The following TMEM267 variants were observed in gnomAD, a reference collection of about 807,000 sequenced individuals.
TMEM267 encodes the protein transmembrane protein 267, also known as transmembrane protein C5orf28.
TMEM267 carries 20 observed loss-of-function variants against 19.3 expected under a neutral mutation model. That is an observed-to-expected ratio of 1.04 (90% confidence interval 0.73 to 1.51). TMEM267 has a LOEUF of 1.51. Ranked by LOEUF, TMEM267 falls within the 40% of genes most tolerant of loss-of-function variation. The probability of loss-of-function intolerance (pLI) is 0.00; values close to 1 mark genes in which losing one functional copy is unlikely to be tolerated. For synonymous variants in TMEM267, 88 were observed against 90.3 expected (o/e 0.97, Z 0.15); for missense variants, 242 against 261.9 (o/e 0.92, Z 0.52).
At position 43,453,942 on chromosome 5, in the gene TMEM267, C is replaced by G. The variant is rs1459683821; in HGVS notation, c.28G>C (p.Ala10Pro). Residue 10 changes from alanine to proline, a missense_variant, in exon 2 of 3, where the codon GCT (alanine) becomes CCT (proline). Coordinates refer to ENST00000397080, the MANE Select transcript of TMEM267 (RefSeq NM_022483.5). ...TCAGTGCTACAAGTCTGCAGTAAAG[C>G]ATGGGTCTTTTCAGTCTCGGATGCC... MASETEKTH[A>P]LLQTCSTESL... The G allele has an allele frequency of 2.5e-6, 4 of 1,613,812 alleles. No individual in the cohort carries two copies. The highest frequency in any genetic ancestry group is 3.4e-6 in the Non-Finnish European group (4 of 1,179,920).
intron 1 of TMEM267, among the ~76,000 whole-genome samples, chr5:43,468,156 A>G (rs1743859593): frequency 6.6e-6 from 1 of 152,124 alleles, no homozygotes; most frequent in African/African-American, 2.4e-5. Flanking sequence ...GAACAATTTT[A>G]CAGAAGTAAA....
intron 1 of TMEM267, among the ~76,000 whole-genome samples, chr5:43,461,947 C>CAGT (rs1193342856): frequency 6.6e-6 from 1 of 152,186 alleles, no homozygotes; most frequent in African/African-American, 2.4e-5. Context: ...CAAACATAGG[C>CAGT]AGTAGCCAGG....
intron 1 of TMEM267, among the ~76,000 whole-genome samples, chr5:43,466,572 C>T (rs971775808): frequency 3.3e-5 from 5 of 152,100 alleles, no homozygotes; most frequent in Non-Finnish European, 7.4e-5. Flanking sequence ...GTACAAAACT[C>T]ACTGGTAATA....
chr5:43,470,964 T>TA (rs1048403139), intron 1 of TMEM267, among the ~76,000 whole-genome samples: 2 of 150,744 alleles, frequency 1.3e-5, no homozygotes, highest in South Asian at 4.2e-4. Context: ...AAAATTGAAA[T>TA]AAAAAAATAC....
intron 1 of TMEM267, among the ~76,000 whole-genome samples, chr5:43,483,001 A>G (rs1744883381): frequency 6.6e-6 from 1 of 152,206 alleles, no homozygotes; most frequent in Non-Finnish European, 1.5e-5. Context: ...CAAAAACCCA[A>G]GGTCAAAACA....
intron 2 of TMEM267, among the ~76,000 whole-genome samples, chr5:43,446,985 T>C (rs1277892177): frequency 2.0e-5 from 3 of 152,106 alleles, no homozygotes; most frequent in African/African-American, 7.2e-5. Context: ...TTTTGTTATA[T>C]CCATTTTATA....
At chr5:43,446,718 A>G (rs1198973010) in intron 2 of TMEM267, among the ~76,000 whole-genome samples, 161 bp from the exon 3 acceptor site, 2 of 152,162 alleles carry the variant, frequency 1.3e-5, no homozygotes, top group Non-Finnish European at 2.9e-5. Flanking sequence ...TTATATATAT[A>G]TAAAAGAATA....
chr5:43,466,930 T>G (rs945207811), intron 1 of TMEM267, among the ~76,000 whole-genome samples: 1 of 151,894 alleles, frequency 6.6e-6, no homozygotes, highest in African/African-American at 2.4e-5. Context: ...GAGTCGATCA[T>G]TTGAGGTCAG....
chr5:43,475,891 A>T (rs1406699012), intron 1 of TMEM267, among the ~76,000 whole-genome samples: 1 of 152,234 alleles, frequency 6.6e-6, no homozygotes, highest in Non-Finnish European at 1.5e-5. Flanking sequence ...GATGAAAAAG[A>T]TCAGTTAACT....
intron 1 of TMEM267, chr5:43,454,653 A>C (rs183633136): frequency 6.6e-6 from 1 of 152,356 alleles, no homozygotes; most frequent in Admixed American, 6.5e-5. Context: ...AGGCTAATAG[A>C]ATCATGATGA....
At chr5:43,462,340 C>G (rs758106582) in intron 1 of TMEM267, among the ~76,000 whole-genome samples, 9 of 152,084 alleles carry the variant, frequency 5.9e-5, no homozygotes, top group Non-Finnish European at 8.8e-5. Context: ...GACAATGAAG[C>G]CTACAATAAA....
At chr5:43,473,077 G>A (rs2112176416) in intron 1 of TMEM267, among the ~76,000 whole-genome samples, 1 of 140,506 alleles carries the variant, frequency 7.1e-6, no homozygotes, top group Admixed American at 7.7e-5. Context: ...GGCGGAGGTT[G>A]CAGCAAGACG....
chr5:43,449,751 G>C (rs1742469879), intron 2 of TMEM267, among the ~76,000 whole-genome samples: 1 of 152,158 alleles, frequency 6.6e-6, no homozygotes, highest in African/African-American at 2.4e-5. Flanking sequence ...GGAAAGACTG[G>C]AGACACCTTT....
chr5:43,457,905 T>G lies in TMEM267; in HGVS notation c.-74-3862A>C, dbSNP rs547335129. Among the ~76,000 whole-genome samples the G allele has an allele frequency of 3.9e-5, 6 of 152,232 alleles. No individual in the cohort carries two copies. The East Asian group carries it at 1.2e-3, about 29-fold the overall frequency. Reference sequence around the variant, plus strand: ...TCATTTAGAAATGTTTTTATTAAATTTATTTATTTTGAGGACAGGGTCTCA... The same window carrying G: ...TCATTTAGAAATGTTTTTATTAAATGTATTTATTTTGAGGACAGGGTCTCA... On this transcript the variant is annotated intron_variant, in intron 1 of 2. Coordinates refer to ENST00000397080, the MANE Select transcript of TMEM267 (RefSeq NM_022483.5).
At chr5:43,459,887 C>T (rs1743157976) in intron 1 of TMEM267, among the ~76,000 whole-genome samples, 1 of 152,120 alleles carries the variant, frequency 6.6e-6, no homozygotes, top group Admixed American at 6.6e-5. Flanking sequence ...GATTCAAGTG[C>T]ATTACATTTA....
At chr5:43,472,360 G>A (rs1029030179) in intron 1 of TMEM267, among the ~76,000 whole-genome samples, 1 of 152,042 alleles carries the variant, frequency 6.6e-6, no homozygotes, top group Admixed American at 6.5e-5. Context: ...AATTAGTACA[G>A]CCACTATGGA....
At chr5:43,475,286 G>A (rs969134230) in intron 1 of TMEM267, among the ~76,000 whole-genome samples, 9 of 151,912 alleles carry the variant, frequency 5.9e-5, no homozygotes, top group East Asian at 1.9e-4. Context: ...ACCAAACACC[G>A]CATGTTCTCA....
At chr5:43,465,356 C>T (rs1743588108) in intron 1 of TMEM267, among the ~76,000 whole-genome samples, 1 of 152,230 alleles carries the variant, frequency 6.6e-6, no homozygotes, top group South Asian at 2.1e-4. Flanking sequence ...CACTTTTACA[C>T]TGTTGGTGGG....
At chr5:43,477,534 C>T (rs535421806) in intron 1 of TMEM267, among the ~76,000 whole-genome samples, 1 of 144,240 alleles carries the variant, frequency 6.9e-6, no homozygotes, top group African/African-American at 2.6e-5. Context: ...GCGGAGGTTG[C>T]AGTGAGCAGA....
Sources: gnomAD v4.1 joint callset for allele counts (sites outside exome capture counted in the v4.1 genomes callset) on GRCh38, gnomAD v4.1.1 for gene constraint, MANE v1.5 for transcripts, NCBI Gene and HGNC (gene_info 2026-07-23, HGNC 2026-07-21) for gene names.